STK17B: variants seen among roughly 807,000 people sequenced by gnomAD.
The protein encoded by STK17B is serine/threonine kinase 17b.
STK17B carries 21 observed loss-of-function variants against 42.0 expected under a neutral mutation model. The ratio of observed to expected loss-of-function variants is 0.50; its 90% CI spans 0.35 to 0.72. STK17B has a LOEUF of 0.72. Among genes scored for constraint, STK17B ranks in the 30% least tolerant of loss-of-function variants. The pLI is 0.00. For synonymous variants in STK17B, 143 were observed against 148.4 expected, an observed-to-expected ratio of 0.96 and a Z score of 0.26; for missense variants, 349 against 446.0, an observed-to-expected ratio of 0.78 and a Z score of 1.96.
upstream of STK17B, chr2:196,171,595 T>A (rs1699944268): frequency 6.6e-6 from 1 of 152,058 alleles, no homozygotes; most frequent in Non-Finnish European, 1.5e-5. Context: ...TGCAGCCGCG[T>A]CTGGGGCATC....
chr2:196,141,244 C>G lies in STK17B; in HGVS notation c.656+5G>C. 6.2e-7 allele frequency: 1 copy of G among 1,603,354 alleles called. No homozygotes were observed. Among genetic ancestry groups the G allele is most frequent in the East Asian group, 2.2e-5 (1 of 44,780 alleles). On this transcript the variant is annotated splice_donor_5th_base_variant and intron_variant, in intron 6 of 7. Transcript: ENST00000263955. ...AGATGTTTAAGGTAACTAACAACAT[C>G]TTACCACATATCTGTTGCTGTGGTA...
rs1441398660 is a variant in STK17B at position 196,143,609 on chromosome 2, T to C, written c.558A>G (p.Ile186Met). The C allele has an allele frequency of 6.2e-7, 1 of 1,609,944 alleles. No individual in the cohort carries two copies. The highest frequency in any genetic ancestry group is 8.5e-7 in the Non-Finnish European group (1 of 1,178,142). ...TTTCCCGAAGTTCACACGCATGCCCTATTTTTCGAGACATTCCAAAATCTA... is the reference window on the plus strand; with the variant it reads ...TTTCCCGAAGTTCACACGCATGCCCCATTTTTCGAGACATTCCAAAATCTA... ...KIVDFGMSRK[I>M]GHACELREIM... is the part of the protein sequence containing the mutation. Residue 186 changes from isoleucine to methionine, a missense_variant, in exon 5 of 8, where the codon ATA becomes ATG. Physicochemically the swap from Ile to Met is conservative, Grantham distance 10. Transcript: ENST00000263955.
At chr2:196,144,702 T>C (rs533452140) in intron 4 of STK17B, among the ~76,000 whole-genome samples, 2 of 152,144 alleles carry the variant, frequency 1.3e-5, no homozygotes, top group Admixed American at 6.6e-5. Context: ...ACCTCATCCA[T>C]TGCCTCCTAA....
At chr2:196,163,520 C>CA in intron 1 of STK17B, 93 bp from the exon 2 acceptor site, 1 of 912,530 alleles carries the variant, frequency 1.1e-6, no homozygotes, top group Non-Finnish European at 1.5e-6. Context: ...TAAAATACAA[C>CA]TAAAAAAAAA....
chr2:196,160,945 C>T lies in STK17B; in HGVS notation c.122+2317G>A, dbSNP rs190082144. Among the ~76,000 whole-genome samples, 43 of 152,228 alleles carry T rather than the reference C, an allele frequency of 2.8e-4. No individual in the cohort carries two copies. In the East Asian group the frequency reaches 5.4e-3, roughly 19 times the overall value. ...CAAAGTTTAAATTATCCAAAGCCCT[C>T]AAAGCAAAAATACTTTATAGATTTT... On this transcript the variant is annotated intron_variant, in intron 2 of 7. Coordinates refer to ENST00000263955, the MANE Select transcript of STK17B (RefSeq NM_004226.4).
chr2:196,143,478 A>G (rs1699522212), intron 5 of STK17B, 82 bp downstream of exon 5: 1 of 1,296,382 alleles, frequency 7.7e-7, no homozygotes, highest in Admixed American at 2.6e-5. Context: ...ATCGAATTAC[A>G]TGCTCTAAAA....
chr2:196,172,689 T>G (rs1699962673), upstream of STK17B, among the ~76,000 whole-genome samples: 1 of 152,222 alleles, frequency 6.6e-6, no homozygotes. Context: ...TTGTTGTTAC[T>G]TAGGTTAACT....
At position 196,141,251 on chromosome 2, in the gene STK17B, CAT is replaced by C; in HGVS notation, c.652_653del (p.Met218ValfsTer22). The C allele has an allele frequency of 6.2e-7, 1 of 1,605,814 alleles. No homozygotes were observed. Among genetic ancestry groups the C allele is most frequent in the Non-Finnish European group, 8.5e-7 (1 of 1,175,328 alleles). On this transcript the variant is annotated frameshift_variant, in exon 6 of 8. Coordinates refer to ENST00000263955, the MANE Select transcript of STK17B (RefSeq NM_004226.4). LOFTEE classifies it high-confidence loss of function. ...NYDPITTATD[M>X]WNIGIIAYML... ...TAAGGTAACTAACAACATCTTACCA[CAT>C]ATCTGTTGCTGTGGTAATGGGATCA...
chr2:196,143,506 A>G, intron 5 of STK17B, 54 bp downstream of exon 5: 1 of 1,478,132 alleles, frequency 6.8e-7, no homozygotes, highest in African/African-American at 1.4e-5. Flanking sequence ...CTACAGAGGT[A>G]TCATTTACTT....
upstream of STK17B, among the ~76,000 whole-genome samples, chr2:196,172,713 T>G (rs1186265995): frequency 6.6e-6 from 1 of 152,234 alleles, no homozygotes; most frequent in Non-Finnish European, 1.5e-5. Context: ...CCTCCCAGGT[T>G]AATAATGTCT....
At chr2:196,162,467 T>C (rs1699824235) in intron 2 of STK17B, among the ~76,000 whole-genome samples, 2 of 151,840 alleles carry the variant, frequency 1.3e-5, no homozygotes, top group South Asian at 4.1e-4. Flanking sequence ...TAAAAAAATA[T>C]TTCATTTAAC....
In STK17B at chr2:196,162,323, T is replaced by C. The variant is rs16846067; in HGVS notation, c.122+939A>G. Among the ~76,000 whole-genome samples the C allele has an allele frequency of 8.5e-3, 1,290 of 152,258 alleles. 25 individuals carry two copies. The highest frequency in any genetic ancestry group is 0.064 in the East Asian group (329 of 5,178). ...TTTTTACTTATAAACCACTCATTTG[T>C]TGTGACATAGAATCAGACTATGAAA... is the stretch of plus-strand genomic sequence containing the variant. On this transcript the variant is annotated intron_variant, in intron 2 of 7. Coordinates refer to ENST00000263955, the MANE Select transcript of STK17B (RefSeq NM_004226.4).
rs1275261544 is a variant in STK17B at position 196,141,916 on chromosome 2, AT to A, written c.608-620del. Among the ~76,000 whole-genome samples the A allele has an allele frequency of 3.4e-5, 3 of 87,254 alleles. No homozygotes were observed. In the East Asian group the frequency reaches 3.2e-3, roughly 92 times the overall value. 57.2% of individuals were successfully genotyped at this position (87,254 alleles called of 152,430 possible). On this transcript the variant is annotated intron_variant, in intron 5 of 7. Transcript: ENST00000263955. ...AAAAAGTAAAACTCTGGAAGCTAGA[AT>A]TTAAAAAAAAAATTAGTTTTATTAC...
At chr2:196,174,954 T>G (rs943314699), upstream of STK17B, among the ~76,000 whole-genome samples, 6 of 152,366 alleles carry the variant, frequency 3.9e-5, no homozygotes, top group Middle Eastern at 6.8e-3. Context: ...AGGGCCAATA[T>G]GCCAATCCAA....
At chr2:196,160,279 T>G (rs1699794019) in intron 2 of STK17B, among the ~76,000 whole-genome samples, 3 of 152,162 alleles carry the variant, frequency 2.0e-5, no homozygotes, top group African/African-American at 4.8e-5. Flanking sequence ...CAAAGGAAGC[T>G]GACGTTTATT....
intron 3 of STK17B, chr2:196,154,757 T>C (rs1433883689): frequency 6.6e-6 from 1 of 152,204 alleles, no homozygotes; most frequent in East Asian, 1.9e-4. Flanking sequence ...ATTTTTACCT[T>C]CAACTGAGAC....
intron 1 of STK17B, among the ~76,000 whole-genome samples, chr2:196,166,994 G>A (rs535260921): frequency 2.0e-5 from 3 of 152,248 alleles, no homozygotes; most frequent in African/African-American, 2.4e-5. Context: ...AGGCCTCTGA[G>A]GCCAAGTATA....
upstream of STK17B, among the ~76,000 whole-genome samples, chr2:196,172,441 T>C (rs1439639780): frequency 6.6e-6 from 1 of 152,242 alleles, no homozygotes; most frequent in East Asian, 1.9e-4. Flanking sequence ...CTAGGATTGC[T>C]TTCAGAGGAC....
intron 3 of STK17B, among the ~76,000 whole-genome samples, 180 bp from the exon 4 acceptor site, chr2:196,146,235 G>C (rs767693616): frequency 6.6e-6 from 1 of 152,104 alleles, no homozygotes. Context: ...GGCTGGGTGC[G>C]GTGGCTCATG....
Sources: gnomAD v4.1 joint callset for allele counts (sites outside exome capture counted in the v4.1 genomes callset) on GRCh38, gnomAD v4.1.1 for gene constraint, MANE v1.5 for transcripts, NCBI Gene and HGNC (gene_info 2026-07-23, HGNC 2026-07-21) for gene names.